The following PBX3 variants were observed in gnomAD, a reference collection of about 807,000 sequenced individuals.
The protein encoded by PBX3 is pre-B-cell leukemia transcription factor 3.
PBX3 carries 14 observed loss-of-function variants against 48.5 expected under a neutral mutation model. The ratio of observed to expected loss-of-function variants is 0.29; its 90% CI spans 0.19 to 0.45. The LOEUF is 0.45. Among genes scored for constraint, PBX3 ranks in the 20% least tolerant of loss-of-function variants. PBX3 has a pLI of 1.00. For missense variants in PBX3, 386 were observed against 546.7 expected (o/e 0.71, Z 2.93); for synonymous variants, 210 against 200.3 (o/e 1.05, Z -0.41).
At chr9:125,937,002 C>T (rs1347653068) in intron 5 of PBX3, among the ~76,000 whole-genome samples, 5 of 152,108 alleles carry the variant, frequency 3.3e-5, no homozygotes, top group African/African-American at 4.8e-5. Context: ...AGGTTCATGC[C>T]GAACACCGGA....
rs577515612 is a variant in PBX3, at chr9:125,797,138, A to G, written c.274+48515A>G. ...CTAAGAAGAATGTTATGAGACATTA[A>G]TATGTTATATCAAAAGCAGAAATAT... On this transcript the variant is annotated intron_variant, in intron 2 of 8. Transcript: ENST00000373489. 2.0e-5 allele frequency among the ~76,000 whole-genome samples: 3 copies of G among 152,174 alleles called. No individual in the cohort carries two copies. The South Asian group carries it at 6.2e-4, about 31-fold the overall frequency.
At chr9:125,863,515 A>G (rs1359043965) in intron 2 of PBX3, among the ~76,000 whole-genome samples, 3 of 152,164 alleles carry the variant, frequency 2.0e-5, no homozygotes, top group Non-Finnish European at 4.4e-5. Context: ...TGGCCCTGAC[A>G]TATGATTTTT....
chr9:125,859,318 A>C (rs1421988444), intron 2 of PBX3, among the ~76,000 whole-genome samples: 1 of 152,022 alleles, frequency 6.6e-6, no homozygotes, highest in Non-Finnish European at 1.5e-5. Flanking sequence ...GTTTTTTGTC[A>C]AGGCCCATGA....
At position 125,747,412 on chromosome 9, in the gene PBX3, C is replaced by G; in HGVS notation, c.-42C>G. On this transcript the variant is annotated 5_prime_UTR_variant, in exon 1 of 9. Transcript: ENST00000373489. ...CCGCCGCCGCCGCCGCCGCCTCAGCCTTCGCCTCAGCCGCCGCCCGCTCCC... is the reference window on the plus strand; with the variant it reads ...CCGCCGCCGCCGCCGCCGCCTCAGCGTTCGCCTCAGCCGCCGCCCGCTCCC... 3 of 1,358,300 alleles carry G rather than the reference C, an allele frequency of 2.2e-6. No individual in the cohort carries two copies. Among genetic ancestry groups the G allele is most frequent in the South Asian group, 1.6e-5 (1 of 61,388 alleles). The allele number at this position is 1,358,300 out of a possible 1,614,324, so 84.1% of individuals were successfully genotyped here.
At chr9:125,814,640 A>G (rs143432596) in intron 2 of PBX3, among the ~76,000 whole-genome samples, 56 of 152,340 alleles carry the variant, frequency 3.7e-4, no homozygotes, top group African/African-American at 1.1e-3. Flanking sequence ...AATGAATAAC[A>G]TTCATGATTA....
intron 2 of PBX3, among the ~76,000 whole-genome samples, chr9:125,776,853 TTAA>T (rs2132017186): frequency 6.6e-6 from 1 of 152,304 alleles, no homozygotes; most frequent in Non-Finnish European, 1.5e-5. Context: ...CTGCATGATA[TTAA>T]TATTACTTTC....
intron 4 of PBX3, among the ~76,000 whole-genome samples, chr9:125,930,132 T>C (rs1485847405): frequency 6.6e-6 from 1 of 152,250 alleles, no homozygotes; most frequent in African/African-American, 2.4e-5. Context: ...CTAAAAGGTA[T>C]TTTTAAGGAT....
At chr9:125,783,626 GT>G (rs1554854544) in intron 2 of PBX3, among the ~76,000 whole-genome samples, 2 of 152,026 alleles carry the variant, frequency 1.3e-5, no homozygotes, top group Non-Finnish European at 2.9e-5. Flanking sequence ...CTAATACTCT[GT>G]TTTTGTTAAA....
At chr9:125,910,624 T>A (rs1310725096) in intron 2 of PBX3, among the ~76,000 whole-genome samples, 2 of 151,686 alleles carry the variant, frequency 1.3e-5, no homozygotes, top group Non-Finnish European at 2.9e-5. Flanking sequence ...CACAGTCACC[T>A]TAAATAGGAG....
At chr9:125,797,801 A>G (rs1837829277) in intron 2 of PBX3, among the ~76,000 whole-genome samples, 1 of 152,170 alleles carries the variant, frequency 6.6e-6, no homozygotes, top group African/African-American at 2.4e-5. Flanking sequence ...ATCTGGGGTC[A>G]GGAAATCTTA....
Position 125,883,121 on chromosome 9 carries a change from G to GTT in PBX3, c.275-32563_275-32562dup, listed in dbSNP as rs368860573. Among the ~76,000 whole-genome samples the GTT allele has an allele frequency of 1.8e-3, 278 of 152,296 alleles. 2 individuals carry two copies. Among genetic ancestry groups the GTT allele is most frequent in the African/African-American group, 6.2e-3 (257 of 41,558 alleles). ...AGCGATAATACATAGTGTTGATGTAGTTTAAGTCTTTTAATATATACAATC... is the reference window on the plus strand; with the variant it reads ...AGCGATAATACATAGTGTTGATGTAGTTTTTAAGTCTTTTAATATATACAATC... On this transcript the variant is annotated intron_variant, in intron 2 of 8. Transcript: ENST00000373489.
chr9:125,904,337 T>A (rs1374039559), intron 2 of PBX3, among the ~76,000 whole-genome samples: 2 of 151,924 alleles, frequency 1.3e-5, no homozygotes, highest in Non-Finnish European at 2.9e-5. Context: ...AGATTTATAT[T>A]GGTGTGGAAG....
intron 2 of PBX3, among the ~76,000 whole-genome samples, chr9:125,832,202 CTT>C (rs71376115): frequency 1.4e-5 from 2 of 147,282 alleles, no homozygotes; most frequent in African/African-American, 2.5e-5. Flanking sequence ...TCTTTTCTTT[CTT>C]TTTTTTTTTG....
chr9:125,780,972 C>T (rs11788265), intron 2 of PBX3, among the ~76,000 whole-genome samples: 37 of 61,872 alleles, frequency 6.0e-4, no homozygotes, highest in African/African-American at 8.4e-4. Flanking sequence ...TGCGGCCGGG[C>T]AGAGGCGCTC....
chr9:125,843,876 G>A (rs1277472770), intron 2 of PBX3: 2 of 454,882 alleles, frequency 4.4e-6, no homozygotes, highest in Non-Finnish European at 4.4e-6. Flanking sequence ...GGGTCATTTG[G>A]AAGGCAATTG....
In PBX3 at chr9:125,943,925, G is replaced by A. The variant is rs145792128; in HGVS notation, c.843+8318G>A. Among the ~76,000 whole-genome samples, 269 of 152,336 alleles carry A rather than the reference G, an allele frequency of 1.8e-3. 2 individuals carry two copies. Among genetic ancestry groups the A allele is most frequent in the Middle Eastern group, 0.01 (3 of 294 alleles). ...TGAAAAAAGGCAGCCTTATAGTGCA[G>A]GAGTCAGGGGAACAAATACTGTGAC... On this transcript the variant is annotated intron_variant, in intron 5 of 8. Transcript: ENST00000373489.
At chr9:125,837,442 A>G (rs1208816881) in intron 2 of PBX3, among the ~76,000 whole-genome samples, 1 of 150,702 alleles carries the variant, frequency 6.6e-6, no homozygotes, top group Non-Finnish European at 1.5e-5. Context: ...TACACAAGAA[A>G]CATGATGCTA....
At chr9:125,899,124 G>A (rs972348959) in intron 2 of PBX3, among the ~76,000 whole-genome samples, 1 of 149,954 alleles carries the variant, frequency 6.7e-6, no homozygotes, top group African/African-American at 2.4e-5. Flanking sequence ...AAACTTATGA[G>A]ATGATAGTCT....
At chr9:125,855,563 CAA>C (rs946577292) in intron 2 of PBX3, among the ~76,000 whole-genome samples, 9 of 152,038 alleles carry the variant, frequency 5.9e-5, no homozygotes, top group Non-Finnish European at 8.8e-5. Context: ...ATCCCTTCAT[CAA>C]ATTTTAGATG....
Sources: allele counts gnomAD v4.1 joint callset (sites outside exome capture counted in the v4.1 genomes callset), GRCh38; gene constraint gnomAD v4.1.1; transcripts MANE v1.5; gene names NCBI Gene and HGNC (gene_info 2026-07-23, HGNC 2026-07-21).